SPPL2B: variants seen among roughly 807,000 people sequenced by gnomAD.
The protein encoded by SPPL2B is signal peptide peptidase-like 2B.
SPPL2B carries 39 observed loss-of-function variants against 59.7 expected under a neutral mutation model. The observed-to-expected ratio is 0.65, with a 90% CI of 0.51 to 0.85. The LOEUF (loss-of-function observed/expected upper bound fraction) is 0.85. Ranked by LOEUF, SPPL2B falls within the 40% of genes least tolerant of loss-of-function variation. The pLI, the probability that SPPL2B is intolerant of heterozygous loss-of-function variation, is 0.00. For synonymous variants in SPPL2B, 419 were observed against 370.8 expected, an observed-to-expected ratio of 1.13 and a Z score of -1.49; for missense variants, 865 against 849.0, an observed-to-expected ratio of 1.02 and a Z score of -0.23.
intron 4 of SPPL2B, 98 bp from the exon 5 acceptor site, chr19:2,338,971 C>A: frequency 6.7e-7 from 1 of 1,497,274 alleles, no homozygotes; most frequent in Non-Finnish European, 9.0e-7. Context: ...CCCTGCAGGC[C>A]AGGGTCTCCA....
chr19:2,343,470 G>T (rs146428811), intron 9 of SPPL2B, among the ~76,000 whole-genome samples, 178 bp downstream of exon 9: 5 of 152,188 alleles, frequency 3.3e-5, no homozygotes, highest in African/African-American at 1.2e-4. Context: ...CAAAGCCCCC[G>T]CTGAGGCGGC....
Position 2,345,329 on chromosome 19 carries a change from C to T in SPPL2B, c.1353C>T (p.Ile451=), listed in dbSNP as rs200330593. ...SSRVYFVACT[I]AYGVGLLVTF... ...GGGTATACTTCGTGGCCTGCACCAT[C>T]GGTAAGTGCCTCGGTTGGGCCCGTG... Residue 451 remains isoleucine (I), a splice_region_variant and synonymous_variant, in exon 13 of 15, where the codon ATC becomes ATT. Transcript: ENST00000613503. The T allele has an allele frequency of 3.9e-4, 627 of 1,612,906 alleles. 4 individuals carry two copies. In the African/African-American group the frequency reaches 6.7e-3, roughly 17 times the overall value.
intron 13 of SPPL2B, among the ~76,000 whole-genome samples, chr19:2,346,397 G>A (rs1043028354): frequency 2.0e-5 from 3 of 152,264 alleles, no homozygotes; most frequent in Non-Finnish European, 2.9e-5. Flanking sequence ...CGGGTACGGG[G>A]GCTCATGTCT....
intron 13 of SPPL2B, among the ~76,000 whole-genome samples, chr19:2,349,136 C>T (rs1218385816): frequency 8.6e-6 from 1 of 116,422 alleles, no homozygotes; most frequent in Non-Finnish European, 1.7e-5. Flanking sequence ...CACACACTCG[C>T]GTTCTCATTC....
chr19:2,333,844 G>A lies in SPPL2B; in HGVS notation c.67-758G>A, dbSNP rs954394730. On this transcript the variant is annotated intron_variant, in intron 1 of 14. Coordinates refer to ENST00000613503, the MANE Select transcript of SPPL2B (RefSeq NM_152988.3). ...GCTGGCTGTTCCTTCTCCCTCCTGC[G>A]AAGTGGGAGCTGCTGTGCTGGACTC... Among the ~76,000 whole-genome samples the A allele has an allele frequency of 3.3e-5, 5 of 152,252 alleles. No individual in the cohort carries two copies. The South Asian group carries it at 6.2e-4, about 19-fold the overall frequency.
chr19:2,340,852 G>A (rs1217921163), intron 7 of SPPL2B, 46 bp from the exon 8 acceptor site: 2 of 1,262,106 alleles, frequency 1.6e-6, no homozygotes, highest in South Asian at 1.3e-5. Context: ...AGTGGGATGA[G>A]GCCGGGAGCT....
chr19:2,352,851 C>T, intron 14 of SPPL2B, 95 bp from the exon 15 acceptor site: 2 of 1,377,478 alleles, frequency 1.5e-6, no homozygotes, highest in Non-Finnish European at 1.0e-6. Flanking sequence ...TTGACCCTGC[C>T]CCCGTGGCCT....
At chr19:2,345,191 A>C in intron 12 of SPPL2B, 62 bp from the exon 13 acceptor site, 1 of 1,475,804 alleles carries the variant, frequency 6.8e-7, no homozygotes, top group Non-Finnish European at 9.4e-7. Flanking sequence ...GCCCGCTCCC[A>C]GGAAGCCCCT....
intron 2 of SPPL2B, 162 bp from the exon 3 acceptor site, chr19:2,337,281 G>A (rs1599210452): frequency 1.7e-6 from 1 of 601,048 alleles, no homozygotes. Context: ...GGCTGTGGGA[G>A]CTGCAGTAGG....
intron 13 of SPPL2B, among the ~76,000 whole-genome samples, chr19:2,346,633 C>T (rs896498954): frequency 6.6e-6 from 1 of 152,128 alleles, no homozygotes; most frequent in African/African-American, 2.4e-5. Context: ...TGCCACCGCA[C>T]TCCAGCCTAG....
At position 2,353,738 on chromosome 19, in the gene SPPL2B, A is replaced by G. The variant is rs10424233; in HGVS notation, c.*529A>G. 0.97 allele frequency: 149,789 copies of G among 153,890 alleles called. 72,920 individuals are homozygous for G. Among genetic ancestry groups the G allele is most frequent in the African/African-American group, 0.99 (41,307 of 41,600 alleles). 9.5% of individuals were successfully genotyped at this position (153,890 alleles called of 1,614,324 possible). A position where few individuals can be genotyped will look rare whatever the true frequency, so the allele number is the denominator to read the frequency against. On this transcript the variant is annotated 3_prime_UTR_variant, in exon 15 of 15. Coordinates refer to ENST00000613503, the MANE Select transcript of SPPL2B (RefSeq NM_152988.3). ...TGCCTCCAAGCCTAGGACACGGACC[A>G]GTGGCCGGGGCGGCCTCTGGCCCCT...
At chr19:2,328,842 A>C in intron 1 of SPPL2B, 67 bp downstream of exon 1, 1 of 1,260,862 alleles carries the variant, frequency 7.9e-7, no homozygotes, top group Non-Finnish European at 1.0e-6. Flanking sequence ...TCCCCGGGCT[A>C]CGCGCAGGAA....
intron 1 of SPPL2B, among the ~76,000 whole-genome samples, chr19:2,334,182 C>T (rs1968433484): frequency 6.6e-6 from 1 of 152,230 alleles, no homozygotes; most frequent in African/African-American, 2.4e-5. Flanking sequence ...GCCTCCCGCC[C>T]AGGCTGGGGG....
intron 3 of SPPL2B, 60 bp downstream of exon 3, chr19:2,337,685 G>A: frequency 6.9e-7 from 1 of 1,442,930 alleles, no homozygotes; most frequent in Admixed American, 2.4e-5. Context: ...GGGTGCAGGA[G>A]GCAGAGATGG....
At chr19:2,338,581 GTCC>G in intron 3 of SPPL2B, 168 bp from the exon 4 acceptor site, 1 of 570,718 alleles carries the variant, frequency 1.8e-6, no homozygotes, top group East Asian at 3.0e-5. Context: ...CTGTTCTTGG[GTCC>G]TCCTGGGGGG....
Position 2,351,794 on chromosome 19 carries a change from G to GCGGGGGTGCCAGGTGGGGCC in SPPL2B, c.1515+211_1515+230dup, listed in dbSNP as rs1363037182. 1.3e-3 allele frequency: 928 copies of GCGGGGGTGCCAGGTGGGGCC among 728,564 alleles called. 11 individuals carry two copies. The African/African-American group carries it at 0.016, about 12-fold the overall frequency. 45.1% of individuals were successfully genotyped at this position (728,564 alleles called of 1,614,324 possible). A position where few individuals can be genotyped will look rare whatever the true frequency, so the allele number is the denominator to read the frequency against. ...GTGCAGCTCCTGTGCCGGGTGGGAT[G>GCGGGGGTGCCAGGTGGGGCC]CGGGGGTGCCAGGTGGGGCCCGGGG... is the stretch of plus-strand genomic sequence containing the variant. On this transcript the variant is annotated intron_variant, in intron 14 of 14. Transcript: ENST00000613503.
intron 5 of SPPL2B, 99 bp downstream of exon 5, chr19:2,339,307 C>A: frequency 1.5e-6 from 2 of 1,350,010 alleles, no homozygotes; most frequent in South Asian, 1.3e-5. Flanking sequence ...GCTTTGGCCT[C>A]GGCAGGCACG....
At position 2,353,412 on chromosome 19, in the gene SPPL2B, T is replaced by TGCTGCTCCCAGCTCGCCC. The variant is rs1326350952; in HGVS notation, c.*205_*222dup. On this transcript the variant is annotated 3_prime_UTR_variant, in exon 15 of 15. Coordinates refer to ENST00000613503, the MANE Select transcript of SPPL2B (RefSeq NM_152988.3). The stretch of plus-strand genomic sequence containing the variant: ...AGCCCAGCTGCCCCGGCTGCACGCC[T>TGCTGCTCCCAGCTCGCCC]GCTGCTCCCAGCTCGCCCGGCTGCC... 5.7e-5 allele frequency: 36 copies of TGCTGCTCCCAGCTCGCCC among 629,046 alleles called. No individual in the cohort carries two copies. The highest frequency in any genetic ancestry group is 9.0e-5 in the Non-Finnish European group (34 of 377,060). The allele number at this position is 629,046 out of a possible 1,614,324, so 39.0% of individuals were successfully genotyped here. A position where few individuals can be genotyped will look rare whatever the true frequency, so the allele number is the denominator to read the frequency against.
chr19:2,337,276 T>A lies in SPPL2B; in HGVS notation c.187-167T>A, dbSNP rs532616078. On this transcript the variant is annotated intron_variant, in intron 2 of 14. Transcript: ENST00000613503. Reference sequence around the variant, plus strand: ...CAGCCCGTCGCCCAGGGTCCGGCTGTGGGAGCTGCAGTAGGGATGGCTCTG... The same window carrying A: ...CAGCCCGTCGCCCAGGGTCCGGCTGAGGGAGCTGCAGTAGGGATGGCTCTG... 20 of 581,522 alleles carry A rather than the reference T, an allele frequency of 3.4e-5. No individual in the cohort carries two copies. The Admixed American group carries it at 5.4e-4, about 16-fold the overall frequency. 36.0% of individuals were successfully genotyped at this position (581,522 alleles called of 1,614,324 possible).
Sources: gnomAD v4.1 joint callset for allele counts (sites outside exome capture counted in the v4.1 genomes callset) on GRCh38, gnomAD v4.1.1 for gene constraint, MANE v1.5 for transcripts, NCBI Gene and HGNC (gene_info 2026-07-23, HGNC 2026-07-21) for gene names.